Variants in BACH2 observed in about 807,000 individuals in gnomAD.
BACH2 encodes BACH transcriptional regulator 2, also known as transcription regulator protein BACH2.
BACH2 carries 5 observed loss-of-function variants against 61.8 expected under a neutral mutation model. That is an observed-to-expected ratio of 0.08 (90% CI 0.04 to 0.17). The LOEUF (loss-of-function observed/expected upper bound fraction) is 0.17, where lower values mean the gene tolerates loss of function less well. BACH2 is among the 10% of genes least tolerant of loss of function. The probability of loss-of-function intolerance (pLI) is 1.00; values close to 1 mark genes in which losing one functional copy is unlikely to be tolerated. For missense variants in BACH2, 824 were observed against 1,091.1 expected (o/e 0.76, Z 3.45); for synonymous variants, 446 against 440.1 (o/e 1.01, Z -0.17).
At position 89,950,819 on chromosome 6, in the gene BACH2, C is replaced by T. The variant is rs753719033; in HGVS notation, c.1287G>A (p.Arg429=). 8 of 1,614,004 alleles carry T rather than the reference C, an allele frequency of 5.0e-6. No homozygotes were observed. The South Asian group carries it at 8.8e-5, about 18-fold the overall frequency. ...LCKQEGELDR[R]SVIFSSSACD... is the part of the protein sequence containing the mutation. ...AAGCGCTGGAGGAGAAGATCACGCT[C>T]CTCCGGTCCAGCTCTCCCTCCTGTT... is the stretch of plus-strand genomic sequence containing the variant. The change falls in exon 7 of 9, where the codon AGG becomes AGA. Residue 429 remains arginine, a synonymous_variant. Transcript: ENST00000257749. This position sits in a 1 kb window ranked among gnomAD's most constrained non-coding sequence, Gnocchi z 5.3.
At chr6:89,986,313 C>T (rs1282167470) in intron 6 of BACH2, among the ~76,000 whole-genome samples, 5 of 151,192 alleles carry the variant, frequency 3.3e-5, no homozygotes, top group Admixed American at 2.0e-4. Flanking sequence ...GGCCCTGGAT[C>T]GCTGGCCTTG....
chr6:90,175,571 T>C (rs1767957848), intron 4 of BACH2, among the ~76,000 whole-genome samples: 1 of 151,920 alleles, frequency 6.6e-6, no homozygotes, highest in African/African-American at 2.4e-5. Flanking sequence ...AAATTCTCAG[T>C]GTTGGGGCGG....
chr6:90,282,843 A>T (rs945586591), intron 1 of BACH2, among the ~76,000 whole-genome samples: 9 of 151,970 alleles, frequency 5.9e-5, no homozygotes, highest in Non-Finnish European at 1.5e-5. Context: ...CTTAAAGCAC[A>T]TAGGTAATCA....
chr6:90,224,764 T>C (rs1769854529), intron 3 of BACH2, among the ~76,000 whole-genome samples: 1 of 152,176 alleles, frequency 6.6e-6, no homozygotes, highest in Non-Finnish European at 1.5e-5. Flanking sequence ...TTAGGGACTT[T>C]GAGGTTAAAA....
At chr6:90,058,056 C>T (rs547447392) in intron 5 of BACH2, among the ~76,000 whole-genome samples, 29 of 152,298 alleles carry the variant, frequency 1.9e-4, no homozygotes, top group East Asian at 5.8e-4. Flanking sequence ...CCTTTGAAAA[C>T]TGGCACAAGA....
intron 5 of BACH2, among the ~76,000 whole-genome samples, chr6:90,020,798 C>T (rs1778330326): frequency 6.6e-6 from 1 of 152,156 alleles, no homozygotes; most frequent in African/African-American, 2.4e-5. Flanking sequence ...CCCCCCACTC[C>T]TCCATGCAGC....
At chr6:90,251,068 G>A (rs1770791887) in intron 3 of BACH2, among the ~76,000 whole-genome samples, 1 of 151,828 alleles carries the variant, frequency 6.6e-6, no homozygotes, top group Admixed American at 6.6e-5. Flanking sequence ...CATACAAAAA[G>A]TTTCAAAGAT....
chr6:90,109,736 GAA>G (rs750984526), intron 4 of BACH2, among the ~76,000 whole-genome samples: 107 of 152,216 alleles, frequency 7.0e-4, no homozygotes, highest in Admixed American at 1.2e-3. Flanking sequence ...GAATCAAAGA[GAA>G]TATATAGACT....
In BACH2 at chr6:89,943,827, G is replaced by A. The variant is rs1057071375; in HGVS notation, c.1837-5477C>T. ...CAGATGTTGATTGAAACCCATGGGAGTAGGGTCACATTAGCATGATACCCT... is the reference window on the plus strand; with the variant it reads ...CAGATGTTGATTGAAACCCATGGGAATAGGGTCACATTAGCATGATACCCT... On this transcript the variant is annotated intron_variant, in intron 7 of 8. Coordinates refer to ENST00000257749, the MANE Select transcript of BACH2 (RefSeq NM_021813.4). 5.3e-5 allele frequency among the ~76,000 whole-genome samples: 8 copies of A among 152,224 alleles called. No homozygotes were observed. The East Asian group carries it at 1.2e-3, about 22-fold the overall frequency.
chr6:90,028,031 C>A (rs1778724621), intron 5 of BACH2, among the ~76,000 whole-genome samples: 2 of 152,310 alleles, frequency 1.3e-5, no homozygotes, highest in African/African-American at 4.8e-5. Flanking sequence ...TAATTTCCAT[C>A]CAAGACCTGC....
chr6:90,027,350 T>G (rs1179466222), intron 5 of BACH2, among the ~76,000 whole-genome samples: 1 of 152,214 alleles, frequency 6.6e-6, no homozygotes, highest in African/African-American at 2.4e-5. Context: ...GTGACACACA[T>G]GCTACATGAC....
At chr6:90,104,425 A>G (rs570541077) in intron 4 of BACH2, 1 of 152,378 alleles carries the variant, frequency 6.6e-6, no homozygotes, top group East Asian at 1.9e-4. Context: ...GAGTTGAGGC[A>G]GGAGCGGTTT....
At chr6:90,082,747 C>A (rs1158108884) in intron 5 of BACH2, among the ~76,000 whole-genome samples, 1 of 152,122 alleles carries the variant, frequency 6.6e-6, no homozygotes, top group Admixed American at 6.5e-5. Flanking sequence ...AACAAAGCTA[C>A]TTCTGTTCAG....
intron 5 of BACH2, among the ~76,000 whole-genome samples, chr6:90,040,165 T>TA (rs1416932051): frequency 1.3e-5 from 2 of 152,148 alleles, no homozygotes; most frequent in Non-Finnish European, 2.9e-5. Context: ...TCCCAACTTA[T>TA]AAACAATTTT....
intron 5 of BACH2, among the ~76,000 whole-genome samples, chr6:90,010,651 C>G (rs1777657938): frequency 6.6e-6 from 1 of 152,150 alleles, no homozygotes; most frequent in Non-Finnish European, 1.5e-5. Context: ...GTAAGCATAA[C>G]TTTTAAAGAG....
chr6:90,234,089 T>C (rs909681144), intron 3 of BACH2, among the ~76,000 whole-genome samples: 6 of 152,248 alleles, frequency 3.9e-5, no homozygotes, highest in African/African-American at 1.4e-4. Context: ...TCAGCAACAC[T>C]GAGGCCAGCA....
intron 5 of BACH2, among the ~76,000 whole-genome samples, chr6:90,029,538 C>T (rs569835838): frequency 3.3e-5 from 5 of 152,290 alleles, no homozygotes; most frequent in Non-Finnish European, 7.3e-5. Flanking sequence ...ACATCTCACA[C>T]ACACTATATT....
chr6:89,989,012 G>A (rs1440057800), intron 6 of BACH2, among the ~76,000 whole-genome samples: 1 of 152,160 alleles, frequency 6.6e-6, no homozygotes, highest in Non-Finnish European at 1.5e-5. Flanking sequence ...TCGAACCAAG[G>A]TGTCATGCTG....
intron 3 of BACH2, among the ~76,000 whole-genome samples, chr6:90,250,170 T>C (rs1770760942): frequency 6.6e-6 from 1 of 152,238 alleles, no homozygotes; most frequent in Non-Finnish European, 1.5e-5. Flanking sequence ...AAAGTAAGTC[T>C]GGTGACCAGA....
Sources: gnomAD v4.1 joint callset for allele counts (sites outside exome capture counted in the v4.1 genomes callset) on GRCh38, gnomAD v4.1.1 for gene constraint, Gnocchi (gnomAD v3.1) non-coding constraint, MANE v1.5 for transcripts, NCBI Gene and HGNC (gene_info 2026-07-23, HGNC 2026-07-21) for gene names.